Variants in CFTR observed in about 807,000 individuals in gnomAD.
CFTR encodes CF transmembrane conductance regulator, also known as cystic fibrosis transmembrane conductance regulator.
CFTR carries 181 observed loss-of-function variants against 171.6 expected under a neutral mutation model. That is an observed-to-expected ratio of 1.05 (90% CI 0.93 to 1.19). The LOEUF (loss-of-function observed/expected upper bound fraction) is 1.19, where lower values mean the gene tolerates loss of function less well. CFTR is among the 50% of genes most tolerant of loss of function. CFTR has a pLI of 0.00. For synonymous variants in CFTR, 583 were observed against 608.0 expected, an observed-to-expected ratio of 0.96 and a Z score of 0.60; for missense variants, 1,968 against 1,734.7, an observed-to-expected ratio of 1.13 and a Z score of -2.39.
Position 117,595,007 on chromosome 7 carries a change from C to T in CFTR, c.2568C>T (p.His856=), listed in dbSNP as rs761255045. Residue 856 remains histidine (H), a synonymous_variant, in exon 15 of 27, where the codon CAC becomes CAT. Transcript: ENST00000003084. ...CATACCTTCGATATATTACTGTCCA[C>T]AAGAGCTTAATTTTTGTGCTAATTT... ...WNTYLRYITV[H]KSLIFVLIWC... is the part of the protein sequence containing the mutation. 6 of 1,612,902 alleles carry T rather than the reference C, an allele frequency of 3.7e-6. No individual in the cohort carries two copies. The Admixed American group carries it at 5.0e-5, about 13-fold the overall frequency.
rs727504712 is a variant in CFTR at position 117,531,122 on chromosome 7, T to C, written c.489+8T>C. ...AGTTTGATTTATAAGAAGGTAATAC[T>C]TCCTTGCACAGGCCCCATGGCACAT... On this transcript the variant is annotated splice_region_variant and intron_variant, in intron 4 of 26. Coordinates refer to ENST00000003084, the MANE Select transcript of CFTR (RefSeq NM_000492.4). 3.8e-6 allele frequency: 6 copies of C among 1,592,996 alleles called. No homozygotes were observed. In the Admixed American group the frequency reaches 8.4e-5, roughly 22 times the overall value.
intron 1 of CFTR, among the ~76,000 whole-genome samples, chr7:117,500,278 CTTTTTTTTTTTTTTT>C (rs745627454): frequency 5.2e-5 from 4 of 76,446 alleles, no homozygotes; most frequent in African/African-American, 5.2e-5. Context: ...TTCTTCCTTT[CTTTTTTTTTTTTTTT>C]TTTTTTTTTT....
At chr7:117,496,443 G>A (rs2116625059) in intron 1 of CFTR, among the ~76,000 whole-genome samples, 1 of 152,162 alleles carries the variant, frequency 6.6e-6, no homozygotes, top group East Asian at 1.9e-4. Context: ...GGCTCAAGTG[G>A]TCCTCCTCCC....
At chr7:117,612,027 A>ATATATATATATATATATATATG (rs1792404556) in intron 20 of CFTR, among the ~76,000 whole-genome samples, 3 of 66,024 alleles carry the variant, frequency 4.5e-5, no homozygotes, top group Admixed American at 1.3e-4. Flanking sequence ...ATATATGTAT[A>ATATATATATATATATATATATG]TATATATATA....
At chr7:117,484,958 TTA>T (rs922676870) in intron 1 of CFTR, among the ~76,000 whole-genome samples, 2 of 152,268 alleles carry the variant, frequency 1.3e-5, no homozygotes, top group African/African-American at 4.8e-5. Flanking sequence ...CATCAATATT[TTA>T]TGTTTGATGT....
At chr7:117,652,696 A>T in intron 23 of CFTR, 146 bp from the exon 24 acceptor site, 1 of 540,858 alleles carries the variant, frequency 1.8e-6, no homozygotes, top group South Asian at 2.6e-5. Flanking sequence ...AAATATTAAA[A>T]TTTGAGAGAA....
chr7:117,486,093 G>A (rs1327682754), intron 1 of CFTR, among the ~76,000 whole-genome samples: 1 of 152,094 alleles, frequency 6.6e-6, no homozygotes, highest in Non-Finnish European at 1.5e-5. Flanking sequence ...TGTCCCTTCT[G>A]CCTTAGCCTT....
At chr7:117,573,061 T>TCTCTCTTG (rs1791719872) in intron 11 of CFTR, among the ~76,000 whole-genome samples, 2 of 151,932 alleles carry the variant, frequency 1.3e-5, no homozygotes, top group African/African-American at 4.8e-5. Flanking sequence ...TCTCTCTTGC[T>TCTCTCTTG]CTCTCTCTCT....
chr7:117,538,767 C>A (rs1798999195), intron 7 of CFTR, among the ~76,000 whole-genome samples: 1 of 152,060 alleles, frequency 6.6e-6, no homozygotes, highest in African/African-American at 2.4e-5. Flanking sequence ...CTGTAACTGG[C>A]AGAACCAGGA....
At chr7:117,570,960 A>G (rs1791678905) in intron 11 of CFTR, among the ~76,000 whole-genome samples, 1 of 152,228 alleles carries the variant, frequency 6.6e-6, no homozygotes, top group Non-Finnish European at 1.5e-5. Context: ...TATATTTGGG[A>G]AAACCACCTA....
chr7:117,628,837 G>C (rs1792694971), intron 22 of CFTR, among the ~76,000 whole-genome samples: 1 of 152,022 alleles, frequency 6.6e-6, no homozygotes, highest in African/African-American at 2.4e-5. Flanking sequence ...TCATATCAGT[G>C]AATACCATAG....
intron 23 of CFTR, among the ~76,000 whole-genome samples, chr7:117,644,884 G>C (rs1285277295): frequency 6.6e-6 from 1 of 152,060 alleles, no homozygotes; most frequent in Non-Finnish European, 1.5e-5. Context: ...AGCCCCATTG[G>C]TTTAGGCAAT....
At chr7:117,628,812 G>T (rs1180197740) in intron 22 of CFTR, among the ~76,000 whole-genome samples, 1 of 152,086 alleles carries the variant, frequency 6.6e-6, no homozygotes, top group Non-Finnish European at 1.5e-5. Flanking sequence ...GCTTAAAACA[G>T]AACACCATAG....
intron 17 of CFTR, among the ~76,000 whole-genome samples, chr7:117,605,169 A>C (rs959597420): frequency 6.6e-6 from 1 of 152,174 alleles, no homozygotes. Flanking sequence ...CAAGCTCCTC[A>C]TTCCCTTTAA....
At chr7:117,559,790 G>A (rs1440654599) in intron 11 of CFTR, 135 bp downstream of exon 11, 7 of 635,934 alleles carry the variant, frequency 1.1e-5, no homozygotes, top group East Asian at 2.8e-5. Context: ...TACTGTGAAT[G>A]GATCAATTAA....
At chr7:117,583,037 A>C (rs549283174) in intron 11 of CFTR, among the ~76,000 whole-genome samples, 33 of 152,292 alleles carry the variant, frequency 2.2e-4, no homozygotes, top group African/African-American at 7.7e-4. Context: ...ACTTGTTTAA[A>C]ATATAAATGT....
intron 11 of CFTR, among the ~76,000 whole-genome samples, chr7:117,569,920 A>C (rs1791663239): frequency 6.6e-6 from 1 of 152,180 alleles, no homozygotes; most frequent in Non-Finnish European, 1.5e-5. Context: ...CTCTCGTGTA[A>C]CTTACATTCT....
rs916180486 is a variant in CFTR, at chr7:117,542,187, C to T, written c.1209+79C>T. On this transcript the variant is annotated intron_variant, in intron 9 of 26. Coordinates refer to ENST00000003084, the MANE Select transcript of CFTR (RefSeq NM_000492.4). ...GTGAATATGGATTTCATCCTAATGG[C>T]GAATAAAATTAGAATGATGATATAA... The T allele has an allele frequency of 2.0e-4, 153 of 754,746 alleles. 1 individual carries two copies. Among genetic ancestry groups the T allele is most frequent in the Admixed American group, 1.9e-3 (104 of 54,510 alleles). The allele number at this position is 754,746 out of a possible 1,614,324, so 46.8% of individuals were successfully genotyped here. A position where few individuals can be genotyped will look rare whatever the true frequency, so the allele number is the denominator to read the frequency against.
intron 22 of CFTR, among the ~76,000 whole-genome samples, chr7:117,633,904 A>G (rs1792787972): frequency 6.6e-6 from 1 of 152,008 alleles, no homozygotes; most frequent in African/African-American, 2.4e-5. Context: ...ATTTGCTAAT[A>G]CTTTTTGAGA....
Sources: gnomAD v4.1 joint callset for allele counts (sites outside exome capture counted in the v4.1 genomes callset) on GRCh38, gnomAD v4.1.1 for gene constraint, MANE v1.5 for transcripts, NCBI Gene and HGNC (gene_info 2026-07-23, HGNC 2026-07-21) for gene names.